METTL15: variants seen among roughly 807,000 people sequenced by gnomAD.
METTL15 encodes methyltransferase 15, mitochondrial 12S rRNA N4-cytidine.
METTL15 carries 34 observed loss-of-function variants against 38.3 expected under a neutral mutation model. The observed-to-expected ratio is 0.89, with a 90% CI of 0.68 to 1.18. The LOEUF is 1.18. Ranked by LOEUF, METTL15 falls within the 50% of genes most tolerant of loss-of-function variation. The pLI is 0.00. For synonymous variants in METTL15, 162 were observed against 170.9 expected, an observed-to-expected ratio of 0.95 and a Z score of 0.41; for missense variants, 438 against 498.4, an observed-to-expected ratio of 0.88 and a Z score of 1.15.
intron 5 of METTL15, among the ~76,000 whole-genome samples, chr11:28,408,658 T>G (rs1850697649): frequency 6.6e-6 from 1 of 152,184 alleles, no homozygotes. Context: ...CAAAGACTAC[T>G]TAATGATGTG....
chr11:28,158,653 A>G (rs1451430795), intron 3 of METTL15, among the ~76,000 whole-genome samples: 2 of 152,182 alleles, frequency 1.3e-5, no homozygotes, highest in East Asian at 1.9e-4. Flanking sequence ...ACTACCATCC[A>G]TGGACTTACA....
rs576215838 is a variant in METTL15 at position 28,272,030 on chromosome 11, G to A, written c.408-18176G>A. Among the ~76,000 whole-genome samples, 25 of 152,204 alleles carry A rather than the reference G, an allele frequency of 1.6e-4. 1 individual carries two copies. The highest frequency in any genetic ancestry group is 1.5e-3 in the South Asian group (7 of 4,814). ...AAACCACAATGAGATACCATTTCAC[G>A]CCAGTTAGAATGGCGATCATTAAAA... On this transcript the variant is annotated intron_variant, in intron 4 of 6. Coordinates refer to ENST00000407364, the MANE Select transcript of METTL15 (RefSeq NM_001113528.2).
chr11:28,252,835 C>T (rs1854803403), intron 4 of METTL15, among the ~76,000 whole-genome samples: 1 of 152,156 alleles, frequency 6.6e-6, no homozygotes, highest in African/African-American at 2.4e-5. Flanking sequence ...TCCAGTTCTT[C>T]ACTTTCTTTC....
chr11:28,153,764 A>T (rs919033366), intron 3 of METTL15, among the ~76,000 whole-genome samples: 6 of 152,246 alleles, frequency 3.9e-5, no homozygotes, highest in Admixed American at 1.3e-4. Flanking sequence ...AAAATATTAT[A>T]CTCACTGACT....
chr11:28,131,163 A>G (rs1033275914), intron 3 of METTL15, among the ~76,000 whole-genome samples: 1 of 152,144 alleles, frequency 6.6e-6, no homozygotes, highest in Non-Finnish European at 1.5e-5. Flanking sequence ...ACAGAGCAAT[A>G]TGTCGATTAG....
chr11:28,232,760 A>C (rs1847312072), intron 4 of METTL15, among the ~76,000 whole-genome samples: 1 of 151,928 alleles, frequency 6.6e-6, no homozygotes, highest in Admixed American at 6.6e-5. Flanking sequence ...AGTGGGCGTG[A>C]AAGGGTTTAT....
chr11:28,231,183 C>T (rs1853670357), intron 4 of METTL15, among the ~76,000 whole-genome samples: 1 of 151,720 alleles, frequency 6.6e-6, no homozygotes, highest in South Asian at 2.1e-4. Context: ...TGCCTTCTTA[C>T]TTTATCAGGA....
chr11:28,487,867 A>G (rs1217579704), intron 6 of METTL15, among the ~76,000 whole-genome samples: 1 of 152,164 alleles, frequency 6.6e-6, no homozygotes, highest in Non-Finnish European at 1.5e-5. Context: ...TTTGGAAGTA[A>G]GAAGGAGCAA....
intron 6 of METTL15, among the ~76,000 whole-genome samples, chr11:28,493,805 A>T (rs1851515797): frequency 6.6e-6 from 1 of 152,204 alleles, no homozygotes; most frequent in African/African-American, 2.4e-5. Context: ...TCTTGTTATC[A>T]TTTGATTCTA....
intron 6 of METTL15, among the ~76,000 whole-genome samples, chr11:28,476,119 C>G (rs1409861643): frequency 2.6e-5 from 4 of 152,220 alleles, no homozygotes; most frequent in Admixed American, 6.5e-5. Context: ...ATATTTGACT[C>G]TCTCACAGAG....
At chr11:28,368,283 A>C (rs534823958) in intron 5 of METTL15, among the ~76,000 whole-genome samples, 1 of 152,256 alleles carries the variant, frequency 6.6e-6, no homozygotes, top group East Asian at 1.9e-4. Flanking sequence ...AGAACCTACA[A>C]AGAACTTAAA....
intron 6 of METTL15, among the ~76,000 whole-genome samples, chr11:28,299,340 C>T (rs1363745236): frequency 1.3e-5 from 2 of 152,026 alleles, no homozygotes; most frequent in South Asian, 2.1e-4. Flanking sequence ...ATAATTGCCT[C>T]ATTCATACCT....
intron 3 of METTL15, chr11:28,163,903 T>G (rs1850561872): frequency 1.3e-5 from 2 of 152,450 alleles, no homozygotes; most frequent in South Asian, 4.1e-4. Context: ...AATTATGATT[T>G]ATGTCTCTTT....
At chr11:28,497,699 G>T (rs1851547435) in intron 6 of METTL15, among the ~76,000 whole-genome samples, 1 of 152,158 alleles carries the variant, frequency 6.6e-6, no homozygotes, top group Non-Finnish European at 1.5e-5. Flanking sequence ...CTCTAGAGCA[G>T]ACAGACAATG....
chr11:28,396,859 A>G (rs140327884), intron 5 of METTL15, among the ~76,000 whole-genome samples: 10,483 of 152,292 alleles, frequency 0.069, 524 homozygotes, highest in Non-Finnish European at 0.11. Flanking sequence ...GGCTACAGTA[A>G]CCAAAACAGC....
chr11:28,185,447 A>C (rs568888851), intron 3 of METTL15, among the ~76,000 whole-genome samples: 1 of 151,598 alleles, frequency 6.6e-6, no homozygotes, highest in Admixed American at 6.6e-5. Context: ...GATAGATAAT[A>C]AAAGTTATCT....
intron 3 of METTL15, among the ~76,000 whole-genome samples, chr11:28,158,869 A>G (rs982203801): frequency 4.6e-5 from 7 of 152,282 alleles, no homozygotes; most frequent in South Asian, 4.1e-4. Flanking sequence ...CTAGGTGACA[A>G]TCCTTTGCAG....
chr11:28,211,841 C>T (rs913493012), intron 4 of METTL15, among the ~76,000 whole-genome samples: 3 of 151,958 alleles, frequency 2.0e-5, no homozygotes, highest in Non-Finnish European at 4.4e-5. Context: ...TAAGATGGCT[C>T]TCTCCAAATA....
intron 6 of METTL15, among the ~76,000 whole-genome samples, chr11:28,486,224 T>G (rs1851438254): frequency 6.6e-6 from 1 of 152,064 alleles, no homozygotes; most frequent in African/African-American, 2.4e-5. Flanking sequence ...ACCCAGAAAC[T>G]GTGATTCCTG....
Sources: gnomAD v4.1 joint callset for allele counts (sites outside exome capture counted in the v4.1 genomes callset) on GRCh38, gnomAD v4.1.1 for gene constraint, MANE v1.5 for transcripts, NCBI Gene and HGNC (gene_info 2026-07-23, HGNC 2026-07-21) for gene names.